Variants in GUCY1B1 observed in about 807,000 individuals in gnomAD.
GUCY1B1 encodes guanylate cyclase 1 soluble subunit beta 1.
GUCY1B1 carries 43 observed loss-of-function variants against 71.0 expected under a neutral mutation model. That is an observed-to-expected ratio of 0.61 (90% confidence interval 0.47 to 0.78). GUCY1B1 has a LOEUF of 0.78. Ranked by LOEUF, GUCY1B1 falls within the 30% of genes least tolerant of loss-of-function variation. GUCY1B1 has a pLI of 0.00. For synonymous variants in GUCY1B1, 266 were observed against 259.7 expected, an observed-to-expected ratio of 1.02 and a Z score of -0.23; for missense variants, 535 against 754.1, an observed-to-expected ratio of 0.71 and a Z score of 3.40.
rs1347268052 is a variant in GUCY1B1, at chr4:155,791,787, A to AAC, written c.495+1880_495+1881dup. On this transcript the variant is annotated intron_variant, in intron 5 of 13. Coordinates refer to ENST00000264424, the MANE Select transcript of GUCY1B1 (RefSeq NM_000857.5). ...CAAAACAAAACGAAAAACAAAAAAA[A>AAC]ACACAGCATCTATACTGAGTGAACG... Among the ~76,000 whole-genome samples the AAC allele has an allele frequency of 3.3e-5, 5 of 151,594 alleles. No homozygotes were observed. In the South Asian group the frequency reaches 8.3e-4, roughly 25 times the overall value.
intron 9 of GUCY1B1, among the ~76,000 whole-genome samples, chr4:155,800,817 T>C (rs1739895705): frequency 6.6e-6 from 1 of 152,178 alleles, no homozygotes; most frequent in African/African-American, 2.4e-5. Context: ...TATGTGTTCG[T>C]TTTTTAATGT....
rs1737945173 is a variant in GUCY1B1, at chr4:155,774,990, G to A, written c.100G>A (p.Glu34Lys). The change falls in exon 3 of 14, where the codon GAA becomes AAA. Residue 34 changes from glutamate (E) to lysine (K), a missense_variant. Coordinates refer to ENST00000264424, the MANE Select transcript of GUCY1B1 (RefSeq NM_000857.5). ...DIKKEAQLDE[E>K]GQFLVRIIYD... ...CAGAAAAGAGGCACAGTTAGATGAA[G>A]AAGGACAGTTTCTTGTCAGAATAAT... 1 of 1,595,654 alleles carries A rather than the reference G, an allele frequency of 6.3e-7. No homozygotes were observed. Among genetic ancestry groups the A allele is most frequent in the African/African-American group, 1.3e-5 (1 of 74,524 alleles).
At chr4:155,777,830 T>A (rs1465989421) in intron 4 of GUCY1B1, among the ~76,000 whole-genome samples, 188 bp downstream of exon 4, 1 of 152,216 alleles carries the variant, frequency 6.6e-6, no homozygotes, top group Non-Finnish European at 1.5e-5. Flanking sequence ...TAGCATTATA[T>A]TTTTTCTTTA....
intron 2 of GUCY1B1, among the ~76,000 whole-genome samples, chr4:155,760,504 C>A (rs941138409): frequency 1.4e-4 from 17 of 119,164 alleles, no homozygotes; most frequent in Non-Finnish European, 2.2e-4. Flanking sequence ...ATTCTACTTT[C>A]AGTCCTGGAG....
chr4:155,799,857 C>T lies in GUCY1B1; in HGVS notation c.978-20C>T. On this transcript the variant is annotated intron_variant, in intron 8 of 13. Coordinates refer to ENST00000264424, the MANE Select transcript of GUCY1B1 (RefSeq NM_000857.5). Reference sequence around the variant, plus strand: ...GTATATAAGTTGAGACTGATCTTGCCTCATTTCTCCATATGACAGTGTCAT... The same window carrying T: ...GTATATAAGTTGAGACTGATCTTGCTTCATTTCTCCATATGACAGTGTCAT... 6.6e-7 allele frequency: 1 copy of T among 1,523,144 alleles called. No homozygotes were observed. The allele number at this position is 1,523,144 out of a possible 1,614,324, so 94.4% of individuals were successfully genotyped here.
intron 4 of GUCY1B1, among the ~76,000 whole-genome samples, chr4:155,778,435 C>A (rs946427963): frequency 2.0e-5 from 3 of 152,144 alleles, no homozygotes; most frequent in South Asian, 2.1e-4. Context: ...TGGCTGCTTT[C>A]AGCAGCCAGA....
rs539583750 is a variant in GUCY1B1, at chr4:155,772,740, C to T, written c.78-2228C>T. The T allele has an allele frequency of 1.0e-5, 7 of 702,484 alleles. No homozygotes were observed. The African/African-American group carries it at 1.0e-4, about 10-fold the overall frequency. The allele number at this position is 702,484 out of a possible 1,614,324, so 43.5% of individuals were successfully genotyped here. ...CAGCCAGAAAAGAGAGATTTTAATG[C>T]TTATGTGCTTTATGTGATTTGCTCC... On this transcript the variant is annotated intron_variant, in intron 2 of 13. Transcript: ENST00000264424.
chr4:155,806,038 G>A (rs1327279110), intron 13 of GUCY1B1, among the ~76,000 whole-genome samples: 1 of 152,146 alleles, frequency 6.6e-6, no homozygotes, highest in Admixed American at 6.6e-5. Flanking sequence ...CTTTTAGTGT[G>A]TATAAACTCT....
chr4:155,796,251 C>T (rs891963695), intron 7 of GUCY1B1, 126 bp from the exon 8 acceptor site: 6 of 842,924 alleles, frequency 7.1e-6, no homozygotes, highest in East Asian at 2.4e-5. Context: ...AAGGCCCTCT[C>T]CTGTTCTAAT....
chr4:155,759,482 G>C, intron 1 of GUCY1B1: 1 of 501,396 alleles, frequency 2.0e-6, no homozygotes, highest in Non-Finnish European at 3.5e-6. Flanking sequence ...GGAAGGGAAG[G>C]CTCCGGGTTC....
intron 2 of GUCY1B1, chr4:155,772,709 C>T (rs1370366972): frequency 1.1e-5 from 8 of 702,310 alleles, no homozygotes; most frequent in Middle Eastern, 2.3e-4. Flanking sequence ...CATGAGCCAA[C>T]CTGCCCAGCC....
rs766681191 is a variant in GUCY1B1, at chr4:155,804,488, C to A, written c.1555-105C>A. 620 of 835,258 alleles carry A rather than the reference C, an allele frequency of 7.4e-4. 7 individuals carry two copies. Among genetic ancestry groups the A allele is most frequent in the Admixed American group, 7.0e-4 (31 of 44,458 alleles). 51.7% of individuals were successfully genotyped at this position (835,258 alleles called of 1,614,324 possible). The stretch of plus-strand genomic sequence containing the variant: ...GGCACATATATACCTATGTAACAAA[C>A]CTGCACCTTCTGCACCTGTATGCCA... On this transcript the variant is annotated intron_variant, in intron 11 of 13. Coordinates refer to ENST00000264424, the MANE Select transcript of GUCY1B1 (RefSeq NM_000857.5).
intron 4 of GUCY1B1, chr4:155,785,371 C>A (rs763031646): frequency 1.9e-5 from 16 of 864,414 alleles, no homozygotes; most frequent in South Asian, 1.7e-4. Flanking sequence ...TACTTTCATA[C>A]ATATGGACAT....
chr4:155,781,220 T>C (rs1738394033), intron 4 of GUCY1B1, among the ~76,000 whole-genome samples: 1 of 152,234 alleles, frequency 6.6e-6, no homozygotes, highest in African/African-American at 2.4e-5. Flanking sequence ...TTCTGAAGTA[T>C]ATGTGTCTTT....
chr4:155,786,719 C>T lies in GUCY1B1; in HGVS notation c.298-2995C>T, dbSNP rs187090327. Reference sequence around the variant, plus strand: ...TGATCTCCTGACCTTGTGATCCGCCCGCCTTGGCCTCCCAAAGTGCTGGGA... The same window carrying T: ...TGATCTCCTGACCTTGTGATCCGCCTGCCTTGGCCTCCCAAAGTGCTGGGA... On this transcript the variant is annotated intron_variant, in intron 4 of 13. Coordinates refer to ENST00000264424, the MANE Select transcript of GUCY1B1 (RefSeq NM_000857.5). Among the ~76,000 whole-genome samples, 154 of 151,908 alleles carry T rather than the reference C, an allele frequency of 1.0e-3. 2 individuals carry two copies. The East Asian group carries it at 0.018, about 17-fold the overall frequency.
intron 7 of GUCY1B1, 61 bp downstream of exon 7, chr4:155,795,518 G>A (rs1739486244): frequency 2.5e-6 from 2 of 791,640 alleles, no homozygotes; most frequent in African/African-American, 3.5e-5. Context: ...GAAGTATTCA[G>A]GGGGGAAAAT....
In GUCY1B1 at chr4:155,802,510, C is replaced by T; in HGVS notation, c.1344C>T (p.Asn448=). Residue 448 remains asparagine, a synonymous_variant, in exon 10 of 14, where the codon AAC becomes AAT. Transcript: ENST00000264424. The surrounding 1 kb of genome is among the most constrained non-coding windows in gnomAD (Gnocchi z 4.3). The stretch of plus-strand genomic sequence containing the variant: ...GAGAAGGAGCCATGAAGATCGTCAA[C>T]CTCCTCAACGACCTCTACACCAGAT... ...ASGEGAMKIV[N]LLNDLYTRFD... is the part of the protein sequence containing the mutation. The T allele has an allele frequency of 1.2e-6, 2 of 1,612,762 alleles. No homozygotes were observed. Among genetic ancestry groups the T allele is most frequent in the Non-Finnish European group, 1.7e-6 (2 of 1,179,378 alleles).
rs745888129 is a variant in GUCY1B1, at chr4:155,799,995, A to G, written c.1096A>G (p.Thr366Ala). 2 of 1,613,596 alleles carry G rather than the reference A, an allele frequency of 1.2e-6. No homozygotes were observed. The highest frequency in any genetic ancestry group is 1.7e-6 in the Non-Finnish European group (2 of 1,179,592). The part of the protein sequence containing the change: ...GEQFREEYKL[T>A]QELEILTDRL... ...ACAATTTAGAGAGGAATACAAACTCACCCAAGAACTGGAAATCCTCACTGA... is the reference window on the plus strand; with the variant it reads ...ACAATTTAGAGAGGAATACAAACTCGCCCAAGAACTGGAAATCCTCACTGA... The change falls in exon 9 of 14, where the codon ACC (threonine) becomes GCC (alanine). Residue 366 changes from threonine (T) to alanine (A), a missense_variant. Transcript: ENST00000264424.
chr4:155,803,877 C>T (rs993935941), intron 11 of GUCY1B1, 113 bp downstream of exon 11: 4 of 615,896 alleles, frequency 6.5e-6, no homozygotes, highest in Non-Finnish European at 1.1e-5. Flanking sequence ...ATCTTGACAA[C>T]AAAGACTATA....
Sources: allele counts gnomAD v4.1 joint callset (sites outside exome capture counted in the v4.1 genomes callset), GRCh38; gene constraint gnomAD v4.1.1; non-coding constraint Gnocchi (gnomAD v3.1); transcripts MANE v1.5; gene names NCBI Gene and HGNC (gene_info 2026-07-23, HGNC 2026-07-21).